The following RAD23B variants were observed in gnomAD, a reference collection of about 807,000 sequenced individuals.
The protein encoded by RAD23B is lysine-specific demethylase RAD23B.
A neutral mutation model predicts 49.1 loss-of-function variants in RAD23B; 5 were observed. That is an observed-to-expected ratio of 0.10 (90% confidence interval 0.05 to 0.21). The LOEUF (loss-of-function observed/expected upper bound fraction) is 0.21. Among genes scored for constraint, RAD23B ranks in the 10% least tolerant of loss-of-function variants. The pLI is 1.00. For missense variants in RAD23B, 356 were observed against 486.7 expected (o/e 0.73, Z 2.53); for synonymous variants, 184 against 165.4 (o/e 1.11, Z -0.86).
chr9:107,303,742 A>G (rs1826705598), intron 3 of RAD23B, among the ~76,000 whole-genome samples: 2 of 152,186 alleles, frequency 1.3e-5, no homozygotes, highest in African/African-American at 2.4e-5. Context: ...ACTGAATACT[A>G]TCCTATTTTC....
chr9:107,319,641 T>A (rs185456144), intron 6 of RAD23B, among the ~76,000 whole-genome samples: 240 of 152,348 alleles, frequency 1.6e-3, no homozygotes, highest in Middle Eastern at 3.4e-3. Context: ...TGATTCACTC[T>A]GTTACCAACG....
At chr9:107,313,850 G>A (rs1006486678) in intron 5 of RAD23B, among the ~76,000 whole-genome samples, 1 of 151,996 alleles carries the variant, frequency 6.6e-6, no homozygotes, top group Non-Finnish European at 1.5e-5. Flanking sequence ...GGCCCAGTAA[G>A]TCTGTTTCTT....
At chr9:107,314,578 C>T (rs1430597802) in intron 5 of RAD23B, among the ~76,000 whole-genome samples, 12 of 152,144 alleles carry the variant, frequency 7.9e-5, no homozygotes, top group Non-Finnish European at 1.8e-4. Context: ...TTTATCTCAT[C>T]CTCCATTGAT....
intron 9 of RAD23B, among the ~76,000 whole-genome samples, chr9:107,326,867 A>C (rs1463185777): frequency 1.3e-5 from 2 of 151,396 alleles, no homozygotes; most frequent in African/African-American, 4.9e-5. Context: ...TCTCGATCTC[A>C]TGACTTCGTG....
In RAD23B at chr9:107,323,995, G is replaced by A. The variant is rs140228782; in HGVS notation, c.923G>A (p.Arg308Gln). The A allele has an allele frequency of 1.3e-5, 21 of 1,613,350 alleles. No homozygotes were observed. Among genetic ancestry groups the A allele is most frequent in the East Asian group, 2.2e-5 (1 of 44,848 alleles). The change falls in exon 8 of 10, where the codon CGA becomes CAA. Residue 308 changes from arginine to glutamine, a missense_variant. Transcript: ENST00000358015. ...LLPALLQQIG[R>Q]ENPQLLQQIS... ...CCAGCGTTACTACAGCAGATAGGTC[G>A]AGAGAATCCTCAATTACTTCAGGTG... is the stretch of plus-strand genomic sequence containing the variant.
chr9:107,319,396 C>T, intron 6 of RAD23B, among the ~76,000 whole-genome samples: 1 of 152,054 alleles, frequency 6.6e-6, no homozygotes, highest in Non-Finnish European at 1.5e-5. Flanking sequence ...TCCCAAAGTG[C>T]TGGGATTACA....
At chr9:107,298,812 C>A (rs1201930753) in intron 1 of RAD23B, among the ~76,000 whole-genome samples, 4 of 147,668 alleles carry the variant, frequency 2.7e-5, no homozygotes, top group Non-Finnish European at 6.0e-5. Context: ...CACTGTTTTA[C>A]TTTTTTTTTT....
intron 1 of RAD23B, among the ~76,000 whole-genome samples, chr9:107,288,341 T>G (rs563748614): frequency 3.6e-4 from 55 of 152,338 alleles, no homozygotes; most frequent in Non-Finnish European, 6.2e-4. Context: ...GATAAAACTG[T>G]CAAAAAATAC....
intron 1 of RAD23B, among the ~76,000 whole-genome samples, chr9:107,295,539 C>G (rs1013557178): frequency 6.6e-6 from 1 of 152,142 alleles, no homozygotes; most frequent in Non-Finnish European, 1.5e-5. Context: ...AAATAAGTTC[C>G]TCTGTCTTCT....
chr9:107,284,054 G>C (rs1833219752), intron 1 of RAD23B: 2 of 1,026,222 alleles, frequency 1.9e-6, no homozygotes, highest in Non-Finnish European at 2.3e-6. Flanking sequence ...GGGTGCACAG[G>C]TGGGGGAGGG....
intron 9 of RAD23B, among the ~76,000 whole-genome samples, chr9:107,328,331 C>T (rs933782212): frequency 1.3e-5 from 2 of 151,786 alleles, no homozygotes; most frequent in African/African-American, 4.8e-5. Context: ...TTTTTTCTAC[C>T]AACATAGGTG....
intron 7 of RAD23B, among the ~76,000 whole-genome samples, chr9:107,322,359 A>T (rs1443429876): frequency 6.6e-6 from 1 of 152,156 alleles, no homozygotes; most frequent in African/African-American, 2.4e-5. Context: ...ATTCTGTTTT[A>T]TTTGTTTTAA....
chr9:107,306,014 A>G (rs1826753841), intron 3 of RAD23B, among the ~76,000 whole-genome samples: 1 of 140,402 alleles, frequency 7.1e-6, no homozygotes, highest in African/African-American at 2.6e-5. Flanking sequence ...CAACTTAGGT[A>G]CATAAAGTTT....
At chr9:107,292,624 G>C (rs1293401630) in intron 1 of RAD23B, among the ~76,000 whole-genome samples, 1 of 141,522 alleles carries the variant, frequency 7.1e-6, no homozygotes, top group African/African-American at 2.6e-5. Flanking sequence ...AGGTTGCAGT[G>C]AGCCAAGATC....
chr9:107,297,375 T>C (rs1826550053), intron 1 of RAD23B, among the ~76,000 whole-genome samples: 1 of 151,950 alleles, frequency 6.6e-6, no homozygotes, highest in South Asian at 2.1e-4. Flanking sequence ...ATCTTGCTCT[T>C]GTCATCCAGG....
At chr9:107,312,362 C>A (rs1826905097) in intron 5 of RAD23B, among the ~76,000 whole-genome samples, 1 of 151,998 alleles carries the variant, frequency 6.6e-6, no homozygotes, top group African/African-American at 2.4e-5. Context: ...TTTTAAATGG[C>A]AGGGAGGGAG....
At chr9:107,305,172 CGTA>C (rs1826736987) in intron 3 of RAD23B, among the ~76,000 whole-genome samples, 1 of 151,900 alleles carries the variant, frequency 6.6e-6, no homozygotes. Flanking sequence ...AGTGTGAGCC[CGTA>C]GTCCCAGCTA....
intron 7 of RAD23B, among the ~76,000 whole-genome samples, chr9:107,323,406 T>C (rs996700982): frequency 1.3e-5 from 2 of 152,302 alleles, no homozygotes. Context: ...ACTTTAAATA[T>C]CTTTTTCTTC....
chr9:107,297,691 A>G (rs954055051), intron 1 of RAD23B, among the ~76,000 whole-genome samples: 1 of 148,422 alleles, frequency 6.7e-6, no homozygotes, highest in Admixed American at 6.7e-5. Flanking sequence ...ATTTAGTAGT[A>G]AATTACTAAA....
Sources: gnomAD v4.1 joint callset for allele counts (sites outside exome capture counted in the v4.1 genomes callset) on GRCh38, gnomAD v4.1.1 for gene constraint, MANE v1.5 for transcripts, NCBI Gene and HGNC (gene_info 2026-07-23, HGNC 2026-07-21) for gene names.